GPLD1: variants seen among roughly 807,000 people sequenced by gnomAD.
GPLD1 encodes glycosylphosphatidylinositol specific phospholipase D1, also known as phosphatidylinositol-glycan-specific phospholipase D.
In GPLD1, 84 loss-of-function variants were observed where a neutral mutation model predicts 112.6. The ratio of observed to expected loss-of-function variants is 0.75; its 90% CI spans 0.63 to 0.89. The LOEUF (loss-of-function observed/expected upper bound fraction) is 0.89, where lower values mean the gene tolerates loss of function less well. Among genes scored for constraint, GPLD1 ranks in the 40% least tolerant of loss-of-function variants. The probability of loss-of-function intolerance (pLI) is 0.00; values close to 1 mark genes in which losing one functional copy is unlikely to be tolerated. For synonymous variants in GPLD1, 386 were observed against 403.8 expected (o/e 0.96, Z 0.53); for missense variants, 1,044 against 1,051.5 (o/e 0.99, Z 0.10).
chr6:24,442,299 T>G (rs1762771957), intron 20 of GPLD1, among the ~76,000 whole-genome samples: 1 of 151,518 alleles, frequency 6.6e-6, no homozygotes, highest in Non-Finnish European at 1.5e-5. Flanking sequence ...TTTTTCTTTT[T>G]CTGTAGAGAT....
In GPLD1 at chr6:24,466,706, T is replaced by TAA. The variant is rs769185063; in HGVS notation, c.794_795insTT (p.Ser266Ter). On this transcript the variant is annotated frameshift_variant, in exon 10 of 25. Coordinates refer to ENST00000230036, the MANE Select transcript of GPLD1 (RefSeq NM_001503.4). LOFTEE classifies it high-confidence loss of function. Reference sequence around the variant, plus strand: ...TGGTCCCATTCTCCAACATGAAGCTTGTTAGATGGTAAATATTAGTGGACC... The same window carrying TAA: ...TGGTCCCATTCTCCAACATGAAGCTTAAGTTAGATGGTAAATATTAGTGGACC... The TAA allele has an allele frequency of 6.2e-7, 1 of 1,612,676 alleles. No homozygotes were observed. Among genetic ancestry groups the TAA allele is most frequent in the South Asian group, 1.1e-5 (1 of 91,008 alleles).
intron 1 of GPLD1, among the ~76,000 whole-genome samples, chr6:24,486,766 C>T (rs998335720): frequency 2.0e-5 from 3 of 151,884 alleles, no homozygotes; most frequent in Admixed American, 6.6e-5. Flanking sequence ...TGTAGTGAGC[C>T]GAGACCACGC....
chr6:24,440,133 G>A (rs1762699298), intron 20 of GPLD1, among the ~76,000 whole-genome samples: 1 of 152,200 alleles, frequency 6.6e-6, no homozygotes, highest in Non-Finnish European at 1.5e-5. Flanking sequence ...ATATCATCTT[G>A]TAATGTGGTT....
rs749841735 is a variant in GPLD1 at position 24,436,776 on chromosome 6, C to T, written c.2198-40G>A. 1.9e-6 allele frequency: 3 copies of T among 1,595,094 alleles called. No homozygotes were observed. The Admixed American group carries it at 5.1e-5, about 27-fold the overall frequency. ...AACCGACAGAAGGAAGTATTTGACT[C>T]CTCACTGTCATCTTTTCCTTGTTCC... On this transcript the variant is annotated intron_variant, in intron 21 of 24. Coordinates refer to ENST00000230036, the MANE Select transcript of GPLD1 (RefSeq NM_001503.4).
intron 21 of GPLD1, 21 bp from the exon 22 acceptor site, chr6:24,436,757 CA>C: frequency 6.2e-7 from 1 of 1,610,986 alleles, no homozygotes; most frequent in East Asian, 2.2e-5. Flanking sequence ...TAAAAACCGA[CA>C]GAAGGAAGTA....
chr6:24,475,261 T>A, intron 4 of GPLD1, 30 bp from the exon 5 acceptor site: 1 of 1,087,816 alleles, frequency 9.2e-7, no homozygotes. Flanking sequence ...GAGTCATGTG[T>A]GTTTGGGTGA....
intron 22 of GPLD1, 165 bp from the exon 23 acceptor site, chr6:24,433,554 G>A (rs145510429): frequency 0.077 from 41,336 of 538,806 alleles, 1,940 homozygotes; most frequent in Non-Finnish European, 0.089. Context: ...GTGCAGTGGC[G>A]TGATCTCAGC....
intron 21 of GPLD1, among the ~76,000 whole-genome samples, 181 bp from the exon 22 acceptor site, chr6:24,436,917 T>C (rs896656991): frequency 2.0e-5 from 3 of 152,252 alleles, no homozygotes; most frequent in Non-Finnish European, 4.4e-5. Context: ...TAGCAATTAC[T>C]ACAGGTGATT....
rs1762243303 is a variant in GPLD1 at position 24,426,514 on chromosome 6, C to T, written c.*2518G>A. Among the ~76,000 whole-genome samples the T allele has an allele frequency of 6.6e-6, 1 of 152,276 alleles. No individual in the cohort carries two copies. The highest frequency in any genetic ancestry group is 2.1e-4 in the South Asian group (1 of 4,822). On this transcript the variant is annotated 3_prime_UTR_variant, in exon 25 of 25. Transcript: ENST00000230036. ...CCATTTTTGTGGGTCTTAACCTCCA[C>T]CTGGTGCTTGCTATTGGGTGTATTC...
At chr6:24,451,558 G>A (rs1450445637) in intron 14 of GPLD1, among the ~76,000 whole-genome samples, 1 of 152,108 alleles carries the variant, frequency 6.6e-6, no homozygotes, top group East Asian at 1.9e-4. Flanking sequence ...GGCTGGTCTT[G>A]ATCTCTTGAC....
chr6:24,450,268 T>G (rs914178595), intron 14 of GPLD1, among the ~76,000 whole-genome samples: 1 of 152,154 alleles, frequency 6.6e-6, no homozygotes, highest in African/African-American at 2.4e-5. Context: ...TCCCAGCACT[T>G]TGGGAGGCCT....
At chr6:24,436,855 C>T (rs967021985) in intron 21 of GPLD1, 119 bp from the exon 22 acceptor site, 3 of 1,013,758 alleles carry the variant, frequency 3.0e-6, no homozygotes, top group Non-Finnish European at 2.9e-6. Context: ...CTCCTTTAGT[C>T]GGCTGTGATT....
At chr6:24,490,597 C>CA (rs1764529324), upstream of GPLD1, among the ~76,000 whole-genome samples, 1 of 151,882 alleles carries the variant, frequency 6.6e-6, no homozygotes, top group African/African-American at 2.4e-5. Context: ...ACTAAAAATA[C>CA]AAAAATTAGC....
At chr6:24,489,793 T>G (rs1209558705), upstream of GPLD1, among the ~76,000 whole-genome samples, 1 of 152,202 alleles carries the variant, frequency 6.6e-6, no homozygotes, top group Non-Finnish European at 1.5e-5. Flanking sequence ...GCACTGCATC[T>G]TCTGACCGAG....
chr6:24,477,063 T>A (rs894561696), intron 3 of GPLD1, among the ~76,000 whole-genome samples: 1 of 151,918 alleles, frequency 6.6e-6, no homozygotes, highest in Non-Finnish European at 1.5e-5. Context: ...AATCAAGACA[T>A]TTGATTTGCT....
At chr6:24,488,627 G>GA (rs1764460968) in intron 1 of GPLD1, among the ~76,000 whole-genome samples, 1 of 144,570 alleles carries the variant, frequency 6.9e-6, no homozygotes. Flanking sequence ...TGGTAGCTAT[G>GA]TGGGGGGGGC....
At chr6:24,481,996 T>G (rs1224726093) in intron 2 of GPLD1, among the ~76,000 whole-genome samples, 1 of 152,128 alleles carries the variant, frequency 6.6e-6, no homozygotes, top group Non-Finnish European at 1.5e-5. Flanking sequence ...TAAAATAATC[T>G]GAAGTAAATT....
At chr6:24,485,074 C>T (rs1040720698) in intron 2 of GPLD1, among the ~76,000 whole-genome samples, 3 of 152,134 alleles carry the variant, frequency 2.0e-5, no homozygotes, top group African/African-American at 7.2e-5. Flanking sequence ...CTAGTCCTAC[C>T]AGGATATGGA....
At position 24,460,369 on chromosome 6, in the gene GPLD1, T is replaced by C. The variant is rs1036390787; in HGVS notation, c.918A>G (p.Arg306=). The C allele has an allele frequency of 5.6e-6, 9 of 1,613,684 alleles. No homozygotes were observed. The highest frequency in any genetic ancestry group is 1.3e-5 in the African/African-American group (1 of 74,928). The change falls in exon 12 of 25, where the codon AGA becomes AGG. Residue 306 remains arginine, a synonymous_variant. Coordinates refer to ENST00000230036, the MANE Select transcript of GPLD1 (RefSeq NM_001503.4). The stretch of plus-strand genomic sequence containing the variant: ...TTTCAGTTAGGGATGTAGTCAAATT[T>C]CTGTGAAAATCATTTTTCTGCATTT... ...GSKMQKNDFH[R]NLTTSLTESV... is the part of the protein sequence containing the mutation.
Sources: allele counts gnomAD v4.1 joint callset (sites outside exome capture counted in the v4.1 genomes callset), GRCh38; gene constraint gnomAD v4.1.1; transcripts MANE v1.5; gene names NCBI Gene and HGNC (gene_info 2026-07-23, HGNC 2026-07-21).